FOXO3: variants seen among roughly 807,000 people sequenced by gnomAD.
FOXO3 encodes forkhead box O3.
In FOXO3, 4 loss-of-function variants were observed where a neutral mutation model predicts 41.9. That is an observed-to-expected ratio of 0.10 (90% CI 0.05 to 0.22). The LOEUF (loss-of-function observed/expected upper bound fraction) is 0.22. Among genes scored for constraint, FOXO3 ranks in the 10% least tolerant of loss-of-function variants. The pLI is 1.00. For missense variants in FOXO3, 534 were observed against 906.8 expected (o/e 0.59, Z 5.28); for synonymous variants, 318 against 389.3 (o/e 0.82, Z 2.16).
chr6:108,657,615 C>T (rs982441437), intron 1 of FOXO3, among the ~76,000 whole-genome samples: 4 of 152,160 alleles, frequency 2.6e-5, no homozygotes, highest in South Asian at 2.1e-4. Context: ...TCTTCAGCTC[C>T]CAATCCCAAA....
rs138560902 is a variant in FOXO3, at chr6:108,635,663, T to C, written c.622-27792T>C. On this transcript the variant is annotated intron_variant, in intron 1 of 2. Coordinates refer to ENST00000406360, the MANE Select transcript of FOXO3 (RefSeq NM_001455.4). ...TCTGCTAGAGAGGCACATCCTGTCA[T>C]AGCATTGCACCTTGCAGCAGGGGTG... is the stretch of plus-strand genomic sequence containing the variant. 1.2e-4 allele frequency among the ~76,000 whole-genome samples: 19 copies of C among 152,268 alleles called. No homozygotes were observed. In the East Asian group the frequency reaches 3.7e-3, roughly 29 times the overall value.
chr6:108,621,333 A>G (rs978889759), intron 1 of FOXO3, among the ~76,000 whole-genome samples: 5 of 152,126 alleles, frequency 3.3e-5, no homozygotes, highest in Admixed American at 6.5e-5. Flanking sequence ...TGCCTTGCCA[A>G]CTGCCTGCTG....
intron 1 of FOXO3, among the ~76,000 whole-genome samples, chr6:108,643,923 A>G (rs144080299): frequency 1.3e-5 from 2 of 152,308 alleles, no homozygotes; most frequent in Admixed American, 6.5e-5. Flanking sequence ...GTATTCTAGA[A>G]TGTACCATCC....
intron 1 of FOXO3, among the ~76,000 whole-genome samples, chr6:108,613,289 T>C (rs1216937042): frequency 1.3e-5 from 2 of 152,236 alleles, no homozygotes; most frequent in African/African-American, 2.4e-5. Context: ...TGTTCTGCTC[T>C]GGTAGCACTG....
At chr6:108,656,316 A>G in intron 1 of FOXO3, 1 of 975,436 alleles carries the variant, frequency 1.0e-6, no homozygotes, top group South Asian at 4.7e-5. Context: ...TCTGTGTTCC[A>G]GGGGAAGCAC....
chr6:108,673,425 T>G (rs1220716054), intron 2 of FOXO3, among the ~76,000 whole-genome samples: 1 of 152,264 alleles, frequency 6.6e-6, no homozygotes, highest in Non-Finnish European at 1.5e-5. Flanking sequence ...GGAGTTCCTC[T>G]CAGTTCCTCT....
intron 1 of FOXO3, among the ~76,000 whole-genome samples, chr6:108,588,033 C>T (rs1429503140): frequency 1.3e-5 from 2 of 152,160 alleles, no homozygotes; most frequent in African/African-American, 4.8e-5. Context: ...GAACGTGCTT[C>T]CTAAGTGTAA....
rs138222427 is a variant in FOXO3, at chr6:108,624,403, T to A, written c.622-39052T>A. 4.8e-3 allele frequency among the ~76,000 whole-genome samples: 726 copies of A among 152,278 alleles called. 25 individuals carry two copies. Among genetic ancestry groups the A allele is most frequent in the Admixed American group, 0.045 (689 of 15,304 alleles). On this transcript the variant is annotated intron_variant, in intron 1 of 2. Coordinates refer to ENST00000406360, the MANE Select transcript of FOXO3 (RefSeq NM_001455.4). ...GTCCAAAGAGGATCAGGTTTTATAA[T>A]TATATTTTAATATGTGAAAGGAGAA...
chr6:108,636,542 AC>A (rs1778127628), intron 1 of FOXO3, among the ~76,000 whole-genome samples: 1 of 151,922 alleles, frequency 6.6e-6, no homozygotes, highest in African/African-American at 2.4e-5. Context: ...TTTTTTCAGC[AC>A]TCACATGCTA....
chr6:108,600,718 G>C (rs908004127), intron 1 of FOXO3, among the ~76,000 whole-genome samples: 2 of 152,070 alleles, frequency 1.3e-5, no homozygotes, highest in Non-Finnish European at 2.9e-5. Context: ...TTTAAAATCT[G>C]GTTTTCACTT....
Position 108,561,754 on chromosome 6 carries a change from G to A in FOXO3, c.546G>A (p.Gln182=), listed in dbSNP as rs1407683688. The change falls in exon 1 of 3, where the codon CAG becomes CAA. Residue 182 remains glutamine (Q), a synonymous_variant. Transcript: ENST00000406360. ...SSPDKRLTLS[Q]IYEWMVRCVP... is the part of the protein sequence containing the mutation. Reference sequence around the variant, plus strand: ...CGGACAAACGGCTCACTCTGTCCCAGATCTACGAGTGGATGGTGCGTTGCG... The same window carrying A: ...CGGACAAACGGCTCACTCTGTCCCAAATCTACGAGTGGATGGTGCGTTGCG... 1 of 1,606,162 alleles carries A rather than the reference G, an allele frequency of 6.2e-7. No individual in the cohort carries two copies. Among genetic ancestry groups the A allele is most frequent in the South Asian group, 1.1e-5 (1 of 90,214 alleles).
intron 1 of FOXO3, among the ~76,000 whole-genome samples, 191 bp downstream of exon 1, chr6:108,562,020 G>A (rs1025341321): frequency 3.9e-5 from 6 of 152,108 alleles, no homozygotes; most frequent in African/African-American, 1.4e-4. Context: ...TCTCGGAGGG[G>A]TGAATGAGGC....
At chr6:108,572,210 C>T (rs1359503786) in intron 1 of FOXO3, among the ~76,000 whole-genome samples, 3 of 152,174 alleles carry the variant, frequency 2.0e-5, no homozygotes, top group Non-Finnish European at 2.9e-5. Context: ...AAGAGTCTGT[C>T]TTTGAGGGGA....
Position 108,561,382 on chromosome 6 carries a change from C to A in FOXO3, c.174C>A (p.Pro58=). The A allele has an allele frequency of 6.4e-7, 1 of 1,554,840 alleles. No homozygotes were observed. The change falls in exon 1 of 3, where the codon CCC becomes CCA. Residue 58 remains proline (P), a synonymous_variant. Transcript: ENST00000406360. ...AGACGGCCGCCGACTCCATGATCCC[C>A]GAGGAGGAGGACGATGAAGACGACG... ...SGETAADSMI[P]EEEDDEDDED...
chr6:108,658,276 G>T (rs939812281), intron 1 of FOXO3, among the ~76,000 whole-genome samples: 3 of 152,098 alleles, frequency 2.0e-5, no homozygotes, highest in Non-Finnish European at 4.4e-5. Flanking sequence ...TGGAAGGCTG[G>T]CCACCCTGTA....
chr6:108,580,073 C>T lies in FOXO3; in HGVS notation c.621+18244C>T, dbSNP rs1177130016. ...TGGGTGTGATGTATACAGTCATAAC[C>T]TTAGATTTATCTATCATTTTCATGG... On this transcript the variant is annotated intron_variant, in intron 1 of 2. Transcript: ENST00000406360. Among the ~76,000 whole-genome samples, 5 of 151,866 alleles carry T rather than the reference C, an allele frequency of 3.3e-5. No individual in the cohort carries two copies. The East Asian group carries it at 9.7e-4, about 29-fold the overall frequency.
At chr6:108,560,846 C>T (rs1028311509), upstream of FOXO3, 4 of 603,450 alleles carry the variant, frequency 6.6e-6, no homozygotes, top group Non-Finnish European at 9.4e-6. Flanking sequence ...GGCTGGGCGG[C>T]GGGGGGAGGG....
At chr6:108,679,419 C>T (rs1770758886) in intron 2 of FOXO3, among the ~76,000 whole-genome samples, 1 of 152,106 alleles carries the variant, frequency 6.6e-6, no homozygotes, top group Admixed American at 6.5e-5. Context: ...GAGCGGCTCT[C>T]CTTGTTTTAG....
chr6:108,674,414 G>T (rs546352674), intron 2 of FOXO3, among the ~76,000 whole-genome samples: 2 of 152,312 alleles, frequency 1.3e-5, no homozygotes, highest in African/African-American at 4.8e-5. Flanking sequence ...TGTGCTGCAC[G>T]AGGGAAGATA....
Sources: gnomAD v4.1 joint callset for allele counts (sites outside exome capture counted in the v4.1 genomes callset) on GRCh38, gnomAD v4.1.1 for gene constraint, MANE v1.5 for transcripts, NCBI Gene and HGNC (gene_info 2026-07-23, HGNC 2026-07-21) for gene names.